Variants in PTPN3 observed in about 807,000 individuals in gnomAD.
PTPN3 encodes the protein protein tyrosine phosphatase non-receptor type 3.
A neutral mutation model predicts 132.7 loss-of-function variants in PTPN3; 96 were observed. That is an observed-to-expected ratio of 0.72 (90% confidence interval 0.61 to 0.86). The LOEUF (loss-of-function observed/expected upper bound fraction) is 0.86, where lower values mean the gene tolerates loss of function less well. Among genes scored for constraint, PTPN3 ranks in the 40% least tolerant of loss-of-function variants. PTPN3 has a pLI of 0.00. For missense variants in PTPN3, 1,125 were observed against 1,159.6 expected (o/e 0.97, Z 0.43); for synonymous variants, 398 against 429.0 (o/e 0.93, Z 0.89).
upstream of PTPN3, among the ~76,000 whole-genome samples, chr9:109,501,823 C>T (rs779537780): frequency 1.6e-4 from 24 of 152,202 alleles, no homozygotes; most frequent in African/African-American, 5.3e-4. Context: ...ATGATGGAAC[C>T]ACCTGGTCCA....
At chr9:109,484,889 C>G (rs1432903396) in intron 1 of PTPN3, among the ~76,000 whole-genome samples, 1 of 152,194 alleles carries the variant, frequency 6.6e-6, no homozygotes, top group Admixed American at 6.5e-5. Context: ...CCAGGCATGC[C>G]TACCAGTGGT....
chr9:109,410,275 G>A lies in PTPN3; in HGVS notation c.1454C>T (p.Thr485Ile). The change falls in exon 15 of 26, where the codon ACC (threonine) becomes ATC (isoleucine). Residue 485 changes from threonine to isoleucine, a missense_variant. Transcript: ENST00000374541. ...QQLLDDFHRV[T>I]KGGSTEDASQ... ...GGCGTCCTCGGTGGAGCCCCCTTTG[G>A]TCACCCTGTGGAAGTCATCTAAGAG... is the stretch of plus-strand genomic sequence containing the variant. The A allele has an allele frequency of 1.9e-6, 3 of 1,613,988 alleles. No homozygotes were observed. Among genetic ancestry groups the A allele is most frequent in the East Asian group, 2.2e-5 (1 of 44,860 alleles).
At chr9:109,439,442 G>T (rs1844295278) in intron 7 of PTPN3, among the ~76,000 whole-genome samples, 2 of 152,274 alleles carry the variant, frequency 1.3e-5, no homozygotes, top group South Asian at 4.1e-4. Context: ...TCGCTGCAAT[G>T]CCAGGAGCCT....
At chr9:109,515,853 C>T in the PTPN3 span, among the ~76,000 whole-genome samples, 2 of 152,180 alleles carry the variant, frequency 1.3e-5, no homozygotes, top group African/African-American at 2.4e-5. Context: ...GTATCCACTC[C>T]CATGACCCAG....
intron 2 of PTPN3, among the ~76,000 whole-genome samples, chr9:109,457,993 G>A (rs2132032853): frequency 6.6e-6 from 1 of 152,314 alleles, no homozygotes; most frequent in South Asian, 2.1e-4. Flanking sequence ...TGAGGGGCAC[G>A]TTCAACCACA....
chr9:109,484,444 C>T (rs1473035869), intron 1 of PTPN3, among the ~76,000 whole-genome samples: 4 of 152,180 alleles, frequency 2.6e-5, no homozygotes, highest in Non-Finnish European at 5.9e-5. Flanking sequence ...ACACTGAGCA[C>T]AGCAGCCTGG....
the PTPN3 span, among the ~76,000 whole-genome samples, chr9:109,523,190 C>T: frequency 2.0e-5 from 3 of 151,190 alleles, no homozygotes; most frequent in Non-Finnish European, 4.4e-5. Context: ...GATCTTGGCT[C>T]ACAGCAACCT....
Position 109,422,848 on chromosome 9 carries a change from C to A in PTPN3, c.1006G>T (p.Val336Leu), listed in dbSNP as rs926725860. 15 of 1,612,448 alleles carry A rather than the reference C, an allele frequency of 9.3e-6. No homozygotes were observed. The highest frequency in any genetic ancestry group is 1.2e-5 in the Non-Finnish European group (14 of 1,179,154). ...TMGSRNTKKSVNNQYCKKVIG... is the reference protein window; with the variant it reads ...TMGSRNTKKSLNNQYCKKVIG... ...ACCTTTTTGCAATATTGGTTATTTA[C>A]CGACCTGAAAAACCAGATGCAGGTT... The change falls in exon 13 of 26, where the codon GTA (valine) becomes TTA (leucine). Residue 336 changes from valine (V) to leucine (L), a missense_variant. Coordinates refer to ENST00000374541, the MANE Select transcript of PTPN3 (RefSeq NM_002829.4).
intron 12 of PTPN3, among the ~76,000 whole-genome samples, chr9:109,423,672 T>C (rs1843039181): frequency 6.6e-6 from 1 of 152,202 alleles, no homozygotes; most frequent in Admixed American, 6.5e-5. Flanking sequence ...GAAGGTTACT[T>C]TTGAATTTTA....
intron 16 of PTPN3, 136 bp downstream of exon 16, chr9:109,409,863 C>A: frequency 1.4e-5 from 19 of 1,385,452 alleles, no homozygotes; most frequent in South Asian, 1.7e-5. Flanking sequence ...CAAAAAAAAC[C>A]CCCAACTCTC....
the PTPN3 span, among the ~76,000 whole-genome samples, chr9:109,516,718 G>T: frequency 3.1e-4 from 47 of 152,314 alleles, no homozygotes; most frequent in African/African-American, 1.1e-3. Flanking sequence ...GGGCAACAAT[G>T]ATTGTGGAGA....
intron 1 of PTPN3, among the ~76,000 whole-genome samples, chr9:109,464,024 A>C (rs945484275): frequency 1.3e-5 from 2 of 152,190 alleles, no homozygotes; most frequent in Non-Finnish European, 2.9e-5. Context: ...AAGAAAACAA[A>C]AACAGGTACT....
intron 19 of PTPN3, among the ~76,000 whole-genome samples, chr9:109,400,244 G>A (rs571305811): frequency 1.3e-5 from 2 of 152,238 alleles, no homozygotes; most frequent in East Asian, 3.9e-4. Flanking sequence ...CACCTCTTAG[G>A]CAGACATTGG....
At chr9:109,406,005 C>T (rs971765723) in intron 18 of PTPN3, among the ~76,000 whole-genome samples, 7 of 152,336 alleles carry the variant, frequency 4.6e-5, no homozygotes, top group Admixed American at 2.0e-4. Context: ...TCCCCCAGCC[C>T]GCAGAGGCAG....
intron 17 of PTPN3, 63 bp from the exon 18 acceptor site, chr9:109,406,681 C>A: frequency 6.3e-7 from 1 of 1,580,066 alleles, no homozygotes; most frequent in Admixed American, 1.7e-5. Context: ...GGGAAGAACG[C>A]TGACTCGCTC....
intron 1 of PTPN3, among the ~76,000 whole-genome samples, chr9:109,472,448 C>T (rs1333371972): frequency 6.6e-6 from 1 of 152,032 alleles, no homozygotes; most frequent in East Asian, 1.9e-4. Flanking sequence ...CTGTTTTCAC[C>T]ATCATTTTTA....
intron 5 of PTPN3, chr9:109,449,368 G>A (rs777090631): frequency 1.2e-4 from 123 of 986,156 alleles, no homozygotes; most frequent in Non-Finnish European, 1.4e-4. Context: ...CCCCAGGTGA[G>A]CATTCTGTGT....
chr9:109,423,854 C>G (rs932602173), intron 12 of PTPN3, among the ~76,000 whole-genome samples: 1 of 152,104 alleles, frequency 6.6e-6, no homozygotes, highest in African/African-American at 2.4e-5. Context: ...TACACATTTC[C>G]TTGTGACATG....
chr9:109,409,827 C>A (rs925350623), intron 16 of PTPN3, among the ~76,000 whole-genome samples, 172 bp downstream of exon 16: 4 of 151,950 alleles, frequency 2.6e-5, no homozygotes, highest in Admixed American at 2.6e-4. Flanking sequence ...CAAAAAAAAC[C>A]CCAAATATCT....
Sources: gnomAD v4.1 joint callset for allele counts (sites outside exome capture counted in the v4.1 genomes callset) on GRCh38, gnomAD v4.1.1 for gene constraint, MANE v1.5 for transcripts, NCBI Gene and HGNC (gene_info 2026-07-23, HGNC 2026-07-21) for gene names.